CAST: variants seen among roughly 807,000 people sequenced by gnomAD.
CAST encodes MIR583 host.
In CAST, 76 loss-of-function variants were observed where a neutral mutation model predicts 119.6. The observed-to-expected ratio is 0.64, with a 90% confidence interval of 0.53 to 0.77. CAST has a LOEUF of 0.77. Ranked by LOEUF, CAST falls within the 30% of genes least tolerant of loss-of-function variation. The pLI is 0.00. For missense variants in CAST, 953 were observed against 946.5 expected (o/e 1.01, Z -0.09); for synonymous variants, 319 against 331.6 (o/e 0.96, Z 0.41).
At chr5:96,359,800 G>T in the CAST span, among the ~76,000 whole-genome samples, 1 of 152,078 alleles carries the variant, frequency 6.6e-6, no homozygotes, top group Non-Finnish European at 1.5e-5. Flanking sequence ...TGAATCTGAA[G>T]ATTATGTGTC....
the CAST span, among the ~76,000 whole-genome samples, chr5:96,377,524 G>C: frequency 6.6e-6 from 1 of 152,082 alleles, no homozygotes. Context: ...TCCCGACAGT[G>C]TTCAGTATAG....
chr5:96,582,597 G>C (rs1746789177), intron 1 of CAST, among the ~76,000 whole-genome samples: 1 of 152,186 alleles, frequency 6.6e-6, no homozygotes, highest in Non-Finnish European at 1.5e-5. Context: ...GGGGAGAATG[G>C]CATCTCATTA....
At chr5:96,614,277 G>C (rs760897496) in intron 1 of CAST, among the ~76,000 whole-genome samples, 1 of 152,166 alleles carries the variant, frequency 6.6e-6, no homozygotes, top group Non-Finnish European at 1.5e-5. Context: ...GCAAATGCCT[G>C]ACTCGTTAGG....
At chr5:96,653,832 C>A (rs1748123163) in intron 1 of CAST, among the ~76,000 whole-genome samples, 1 of 152,046 alleles carries the variant, frequency 6.6e-6, no homozygotes, top group African/African-American at 2.4e-5. Flanking sequence ...AAATAAATAA[C>A]TATGAGTCTT....
At chr5:95,995,740 T>C in the CAST span, among the ~76,000 whole-genome samples, 1 of 151,998 alleles carries the variant, frequency 6.6e-6, no homozygotes, top group Non-Finnish European at 1.5e-5. Context: ...TTGGAAATAG[T>C]TATATTAAAT....
At chr5:96,178,270 TA>T in the CAST span, among the ~76,000 whole-genome samples, 1 of 152,228 alleles carries the variant, frequency 6.6e-6, no homozygotes, top group Non-Finnish European at 1.5e-5. Flanking sequence ...TGCCCATCAT[TA>T]GCAATGTAAT....
the CAST span, among the ~76,000 whole-genome samples, chr5:96,434,475 C>A: frequency 6.6e-6 from 1 of 152,060 alleles, no homozygotes; most frequent in Non-Finnish European, 1.5e-5. Context: ...GGAAATTGGC[C>A]GCAGGGGGGA....
At chr5:96,433,535 C>A in the CAST span, among the ~76,000 whole-genome samples, 1 of 152,120 alleles carries the variant, frequency 6.6e-6, no homozygotes, top group Non-Finnish European at 1.5e-5. Flanking sequence ...GAATCAAAGG[C>A]TGGGAGTGCT....
At chr5:96,713,986 AAAC>A (rs1756729373) in intron 3 of CAST, among the ~76,000 whole-genome samples, 1 of 152,068 alleles carries the variant, frequency 6.6e-6, no homozygotes, top group African/African-American at 2.4e-5. Context: ...AAAACAAAAA[AAAC>A]ACAGTGGTCA....
chr5:96,038,838 G>A, the CAST span, among the ~76,000 whole-genome samples: 1 of 152,128 alleles, frequency 6.6e-6, no homozygotes, highest in Non-Finnish European at 1.5e-5. Context: ...ACATAAGTGT[G>A]CACATGTCTT....
the CAST span, among the ~76,000 whole-genome samples, chr5:96,178,220 GTAA>G: frequency 1.3e-5 from 2 of 152,132 alleles, no homozygotes; most frequent in South Asian, 4.1e-4. Context: ...CACCTAAATA[GTAA>G]TAAAATTGCA....
intron 3 of CAST, among the ~76,000 whole-genome samples, chr5:96,710,115 C>T (rs1755804460): frequency 6.6e-6 from 1 of 152,154 alleles, no homozygotes; most frequent in Non-Finnish European, 1.5e-5. Context: ...TTTTAGGGAA[C>T]ATTTAGGTTC....
chr5:96,633,773 A>G (rs1747851440), intron 1 of CAST, among the ~76,000 whole-genome samples: 1 of 152,242 alleles, frequency 6.6e-6, no homozygotes, highest in African/African-American at 2.4e-5. Flanking sequence ...AGCTAGCTAG[A>G]GGGAAAAGAT....
At chr5:96,342,402 T>G in the CAST span, among the ~76,000 whole-genome samples, 6 of 152,318 alleles carry the variant, frequency 3.9e-5, no homozygotes, top group South Asian at 1.2e-3. Context: ...CCCCATATTT[T>G]CCAATGCAGC....
the CAST span, among the ~76,000 whole-genome samples, chr5:96,147,094 T>G: frequency 6.6e-6 from 1 of 152,208 alleles, no homozygotes; most frequent in African/African-American, 2.4e-5. Flanking sequence ...TCTGTGATTA[T>G]GCACAGCTGG....
the CAST span, among the ~76,000 whole-genome samples, chr5:95,988,950 G>A: frequency 6.6e-5 from 10 of 152,244 alleles, no homozygotes; most frequent in Admixed American, 3.3e-4. Context: ...TTTAAAAAAC[G>A]TAATGCTCTT....
At chr5:96,736,867 C>G (rs1156525394) in intron 10 of CAST, among the ~76,000 whole-genome samples, 1 of 152,078 alleles carries the variant, frequency 6.6e-6, no homozygotes, top group East Asian at 1.9e-4. Flanking sequence ...AAGAACTTCC[C>G]TGAGACTGGG....
rs533922867 is a variant in CAST, at chr5:96,619,786, C to T, written c.61-55753C>T. ...GGGTCCGTGGCTTCATTCCTGAAGT[C>T]AGCCATACCAAGAAACCACCAATTT... is the stretch of plus-strand genomic sequence containing the variant. On this transcript the variant is annotated intron_variant, in intron 1 of 11. Coordinates refer to the CAST transcript ENST00000505143. 1.9e-4 allele frequency among the ~76,000 whole-genome samples: 29 copies of T among 151,190 alleles called. No homozygotes were observed. The South Asian group carries it at 6.0e-3, about 31-fold the overall frequency.
the CAST span, among the ~76,000 whole-genome samples, chr5:96,058,789 G>A: frequency 6.6e-6 from 1 of 152,020 alleles, no homozygotes; most frequent in Non-Finnish European, 1.5e-5. Context: ...TAATGCATAG[G>A]AGAAAGACAA....
Sources: allele counts gnomAD v4.1 joint callset (sites outside exome capture counted in the v4.1 genomes callset), GRCh38; gene constraint gnomAD v4.1.1; transcripts MANE v1.5; gene names NCBI Gene and HGNC (gene_info 2026-07-23, HGNC 2026-07-21).